Variants in NRG3 observed in about 807,000 individuals in gnomAD.
The protein encoded by NRG3 is neuregulin 3.
A neutral mutation model predicts 66.9 loss-of-function variants in NRG3; 31 were observed. The ratio of observed to expected loss-of-function variants is 0.46; its 90% CI spans 0.35 to 0.63. NRG3 has a LOEUF of 0.63. NRG3 is among the 20% of genes least tolerant of loss of function. NRG3 has a pLI of 0.00. For synonymous variants in NRG3, 393 were observed against 359.4 expected, an observed-to-expected ratio of 1.09 and a Z score of -1.06; for missense variants, 910 against 878.9, an observed-to-expected ratio of 1.04 and a Z score of -0.45.
chr10:82,511,996 C>A (rs899178628), intron 2 of NRG3, among the ~76,000 whole-genome samples: 1 of 152,000 alleles, frequency 6.6e-6, no homozygotes, highest in Non-Finnish European at 1.5e-5. Flanking sequence ...ATTTTTAAGA[C>A]CAGAAAAAGC....
intron 2 of NRG3, among the ~76,000 whole-genome samples, chr10:82,560,797 A>G (rs982752395): frequency 1.1e-4 from 16 of 151,052 alleles, no homozygotes; most frequent in African/African-American, 3.4e-4. Context: ...TTTTAATTTC[A>G]TTTTAAATAA....
rs1350887413 is a variant in NRG3 at position 81,900,428 on chromosome 10, T to C, written c.823+24265T>C. 3.9e-5 allele frequency among the ~76,000 whole-genome samples: 6 copies of C among 152,240 alleles called. No individual in the cohort carries two copies. The South Asian group carries it at 1.2e-3, about 31-fold the overall frequency. ...CTCCAGAAATTAAGCCAAATGAATT[T>C]TGGAGAGTCTGAGAATCTTAAACAA... is the stretch of plus-strand genomic sequence containing the variant. On this transcript the variant is annotated intron_variant, in intron 1 of 8. Transcript: ENST00000372141.
At chr10:82,458,745 T>A (rs1590202642) in intron 2 of NRG3, among the ~76,000 whole-genome samples, 2 of 152,152 alleles carry the variant, frequency 1.3e-5, no homozygotes, top group East Asian at 3.9e-4. Flanking sequence ...AGTTTTCTAA[T>A]CTGAAAAAGG....
intron 4 of NRG3, among the ~76,000 whole-genome samples, chr10:82,888,542 C>T (rs1239150427): frequency 1.3e-5 from 2 of 152,038 alleles, no homozygotes; most frequent in Non-Finnish European, 2.9e-5. Context: ...TAGCATGATA[C>T]ATCTTGGGAA....
intron 4 of NRG3, among the ~76,000 whole-genome samples, chr10:82,928,211 T>G (rs1401364123): frequency 2.0e-5 from 3 of 152,002 alleles, no homozygotes; most frequent in African/African-American, 7.3e-5. Context: ...TAAATTTGTT[T>G]AAGTTATTTG....
At chr10:82,194,076 A>G (rs2074317814) in intron 1 of NRG3, among the ~76,000 whole-genome samples, 1 of 152,216 alleles carries the variant, frequency 6.6e-6, no homozygotes, top group African/African-American at 2.4e-5. Flanking sequence ...TACCAAGAAG[A>G]GAAACCTTAA....
chr10:82,409,055 T>C (rs1413155419), intron 2 of NRG3, among the ~76,000 whole-genome samples: 1 of 152,150 alleles, frequency 6.6e-6, no homozygotes, highest in Non-Finnish European at 1.5e-5. Flanking sequence ...AGGGGATCTG[T>C]ATTTTAAGAA....
At chr10:82,679,919 A>G (rs1308139403) in intron 2 of NRG3, among the ~76,000 whole-genome samples, 2 of 152,140 alleles carry the variant, frequency 1.3e-5, no homozygotes, top group East Asian at 3.8e-4. Flanking sequence ...TATAAATTGC[A>G]CTATGTATTT....
At chr10:82,541,442 C>G (rs1472263480) in intron 2 of NRG3, among the ~76,000 whole-genome samples, 2 of 152,014 alleles carry the variant, frequency 1.3e-5, no homozygotes, top group African/African-American at 4.8e-5. Context: ...ATTCCTGTCC[C>G]TTTTAAGGGC....
intron 4 of NRG3, among the ~76,000 whole-genome samples, chr10:82,923,364 A>G (rs537122238): frequency 2.7e-4 from 41 of 152,222 alleles, no homozygotes; most frequent in Non-Finnish European, 5.0e-4. Flanking sequence ...TCTTACAAAT[A>G]TCTTTCCCTG....
chr10:82,743,661 C>T (rs1216389982), intron 3 of NRG3, among the ~76,000 whole-genome samples: 2 of 152,052 alleles, frequency 1.3e-5, no homozygotes, highest in African/African-American at 4.8e-5. Context: ...AGTGCCTAGA[C>T]CATCAGGCTC....
intron 1 of NRG3, among the ~76,000 whole-genome samples, chr10:81,963,646 T>G (rs1011905010): frequency 6.6e-6 from 1 of 152,178 alleles, no homozygotes; most frequent in Non-Finnish European, 1.5e-5. Context: ...TGTCATGTCA[T>G]CCATCCACGT....
intron 3 of NRG3, among the ~76,000 whole-genome samples, chr10:82,863,421 T>C (rs372612694): frequency 1.3e-5 from 2 of 152,294 alleles, no homozygotes; most frequent in Non-Finnish European, 1.5e-5. Flanking sequence ...TTCTAGATCC[T>C]TGAGGAATCG....
At chr10:82,365,156 A>C (rs2084441949) in intron 2 of NRG3, among the ~76,000 whole-genome samples, 1 of 152,216 alleles carries the variant, frequency 6.6e-6, no homozygotes. Flanking sequence ...CTCTATATCA[A>C]ATGGTTCTCC....
intron 2 of NRG3, among the ~76,000 whole-genome samples, chr10:82,409,516 C>T (rs1816612677): frequency 2.0e-5 from 3 of 152,024 alleles, no homozygotes. Flanking sequence ...TAATAGTAGT[C>T]AACATTCTTT....
chr10:82,170,695 T>TAC (rs2072536768), intron 1 of NRG3, among the ~76,000 whole-genome samples: 1 of 132,762 alleles, frequency 7.5e-6, no homozygotes, highest in Non-Finnish European at 1.6e-5. Context: ...TATATATATA[T>TAC]ATGTAAATAT....
intron 1 of NRG3, among the ~76,000 whole-genome samples, chr10:82,348,572 C>G (rs1337178974): frequency 1.2e-4 from 18 of 146,360 alleles, no homozygotes; most frequent in African/African-American, 2.6e-4. Context: ...CGAGGAGTAT[C>G]TTTGTGGCGT....
At chr10:82,552,769 T>G (rs1020912625) in intron 2 of NRG3, among the ~76,000 whole-genome samples, 17 of 152,126 alleles carry the variant, frequency 1.1e-4, no homozygotes, top group African/African-American at 4.1e-4. Flanking sequence ...AAATCTACAT[T>G]TATGCCCATT....
Position 81,875,780 on chromosome 10 carries a change from C to T in NRG3, c.440C>T (p.Ser147Phe). Residue 147 changes from serine (S) to phenylalanine (F), a missense_variant, in exon 1 of 9, where the codon TCC (serine) becomes TTC (phenylalanine). Ser to Phe is a radical substitution (Grantham distance 155). Transcript: ENST00000372141. The surrounding 1 kb of genome is among the most constrained non-coding windows in gnomAD (Gnocchi z 5.3). ...ACCCCCTCCGCCGGGGGTGCCGCCT[C>T]CTCCAGGACGCCCAACCGGATTAGC... is the stretch of plus-strand genomic sequence containing the variant. ...PATPSAGGAASSRTPNRISTR... is the reference protein window; with the variant it reads ...PATPSAGGAAFSRTPNRISTR... 6.2e-7 allele frequency: 1 copy of T among 1,611,516 alleles called. No homozygotes were observed. The highest frequency in any genetic ancestry group is 8.5e-7 in the Non-Finnish European group (1 of 1,179,892).
Sources: gnomAD v4.1 joint callset for allele counts (sites outside exome capture counted in the v4.1 genomes callset) on GRCh38, gnomAD v4.1.1 for gene constraint, Gnocchi (gnomAD v3.1) non-coding constraint, MANE v1.5 for transcripts, NCBI Gene and HGNC (gene_info 2026-07-23, HGNC 2026-07-21) for gene names.